Variants in DHRSX observed in about 807,000 individuals in gnomAD.
DHRSX encodes polyprenol dehydrogenase.
DHRSX carries 31 observed loss-of-function variants against 34.0 expected under a neutral mutation model. The ratio of observed to expected loss-of-function variants is 0.91; its 90% confidence interval spans 0.69 to 1.23. The LOEUF (loss-of-function observed/expected upper bound fraction) is 1.23. Ranked by LOEUF, DHRSX falls within the 50% of genes most tolerant of loss-of-function variation. The pLI is 0.00. For missense variants in DHRSX, 414 were observed against 428.1 expected, an observed-to-expected ratio of 0.97 and a Z score of 0.29; for synonymous variants, 201 against 183.8, an observed-to-expected ratio of 1.09 and a Z score of -0.76.
In DHRSX at chrX:2,293,117, G is replaced by T. The variant is rs751624352; in HGVS notation, c.287-1514C>A. Among the ~76,000 whole-genome samples the T allele has an allele frequency of 2.6e-5, 4 of 152,204 alleles. No individual in the cohort carries two copies. The South Asian group carries it at 8.3e-4, about 32-fold the overall frequency. ...ATTTTTAGAGAGTGAATGACTCAGGGACAGCTTTATAACATCACATAGGTA... is the reference window on the plus strand; with the variant it reads ...ATTTTTAGAGAGTGAATGACTCAGGTACAGCTTTATAACATCACATAGGTA... On this transcript the variant is annotated intron_variant, in intron 3 of 6. Coordinates refer to ENST00000334651, the MANE Select transcript of DHRSX (RefSeq NM_145177.3).
chrX:2,387,626 G>A (rs1362464967), intron 3 of DHRSX, among the ~76,000 whole-genome samples: 1 of 152,010 alleles, frequency 6.6e-6, no homozygotes, highest in East Asian at 1.9e-4. Context: ...TTAAGGGTGG[G>A]TCTGCCTTTC....
intron 1 of DHRSX, among the ~76,000 whole-genome samples, chrX:2,480,493 G>A (rs1603150232): frequency 6.9e-6 from 1 of 145,196 alleles, no homozygotes; most frequent in East Asian, 2.0e-4. Context: ...ACAAGCCTGG[G>A]CAACATAATG....
At chrX:2,360,604 C>T (rs1315231840) in intron 3 of DHRSX, among the ~76,000 whole-genome samples, 1 of 151,824 alleles carries the variant, frequency 6.6e-6, no homozygotes, top group Non-Finnish European at 1.5e-5. Context: ...CAAAAAAATA[C>T]ACATCACCCA....
At chrX:2,335,450 GGTGT>G (rs111917194) in intron 3 of DHRSX, among the ~76,000 whole-genome samples, 2 of 149,396 alleles carry the variant, frequency 1.3e-5, no homozygotes, top group Non-Finnish European at 3.0e-5. Flanking sequence ...ATTTTTTTGG[GGTGT>G]GTGTGTGTGT....
chrX:2,446,641 G>A (rs1180551981), intron 1 of DHRSX, among the ~76,000 whole-genome samples: 1 of 151,298 alleles, frequency 6.6e-6, no homozygotes, highest in Non-Finnish European at 1.5e-5. Context: ...AGGGACGGTA[G>A]CCATGTACAC....
rs755201403 is a variant in DHRSX, at chrX:2,287,636, C to A, written c.388+3866G>T. Among the ~76,000 whole-genome samples, 373 of 152,234 alleles carry A rather than the reference C, an allele frequency of 2.5e-3. 1 individual carries two copies. Among genetic ancestry groups the A allele is most frequent in the African/African-American group, 8.3e-3 (344 of 41,530 alleles). On this transcript the variant is annotated intron_variant, in intron 4 of 6. Coordinates refer to ENST00000334651, the MANE Select transcript of DHRSX (RefSeq NM_145177.3). Reference sequence around the variant, plus strand: ...CCCCATGTGGAAGACAGAATAATGGCCCCAAAGATGTCCACATCCTAATCC... The same window carrying A: ...CCCCATGTGGAAGACAGAATAATGGACCCAAAGATGTCCACATCCTAATCC...
At chrX:2,468,521 G>A (rs1480468478) in intron 1 of DHRSX, among the ~76,000 whole-genome samples, 2 of 151,596 alleles carry the variant, frequency 1.3e-5, no homozygotes, top group African/African-American at 4.8e-5. Flanking sequence ...CCAAGGGACC[G>A]CCACTGTGTA....
chrX:2,498,133 A>G (rs149210027), intron 1 of DHRSX, among the ~76,000 whole-genome samples: 3,298 of 152,226 alleles, frequency 0.022, 116 homozygotes, highest in African/African-American at 0.075. Context: ...TCCAGCCACA[A>G]TTTCTTCCTT....
At chrX:2,224,349 G>C (rs2015588093) in intron 6 of DHRSX, among the ~76,000 whole-genome samples, 1 of 152,232 alleles carries the variant, frequency 6.6e-6, no homozygotes, top group African/African-American at 2.4e-5. Flanking sequence ...CCTGTGGGCA[G>C]TGTCTGGGGG....
chrX:2,311,126 CGA>C (rs1156297188), intron 3 of DHRSX, among the ~76,000 whole-genome samples: 1 of 143,684 alleles, frequency 7.0e-6, no homozygotes, highest in African/African-American at 2.6e-5. Context: ...AGAGAATAAG[CGA>C]GAGACAGAGA....
intron 2 of DHRSX, among the ~76,000 whole-genome samples, chrX:2,423,527 G>C (rs968417949): frequency 6.6e-6 from 1 of 152,188 alleles, no homozygotes; most frequent in East Asian, 1.9e-4. Context: ...AGGAGTTTGA[G>C]GTTGCAGTGA....
At chrX:2,385,110 A>ATGTGTG (rs934167358) in intron 3 of DHRSX, among the ~76,000 whole-genome samples, 4,216 of 146,530 alleles carry the variant, frequency 0.029, 116 homozygotes, top group African/African-American at 0.064. Flanking sequence ...TCAAATATAT[A>ATGTGTG]TGTGTGTGTG....
intron 3 of DHRSX, among the ~76,000 whole-genome samples, chrX:2,321,816 A>G (rs949717563): frequency 1.3e-5 from 2 of 152,112 alleles, no homozygotes; most frequent in African/African-American, 4.8e-5. Context: ...CCCCGGAGCC[A>G]GCAAGACCAA....
chrX:2,384,156 GCT>G (rs2043244246), intron 3 of DHRSX, among the ~76,000 whole-genome samples: 1 of 152,192 alleles, frequency 6.6e-6, no homozygotes, highest in African/African-American at 2.4e-5. Flanking sequence ...GGTCTACAGA[GCT>G]CTCAGTTGCC....
chrX:2,385,151 T>C (rs1011033321), intron 3 of DHRSX, among the ~76,000 whole-genome samples: 6 of 150,660 alleles, frequency 4.0e-5, no homozygotes, highest in African/African-American at 1.2e-4. Context: ...TGTATATATA[T>C]GTGTGTGTGT....
intron 1 of DHRSX, among the ~76,000 whole-genome samples, chrX:2,453,368 TA>T (rs34499655): frequency 0.091 from 12,607 of 138,608 alleles, 663 homozygotes; most frequent in East Asian, 0.21. Context: ...ACCCCATCTC[TA>T]AAAAAAAAAA....
At chrX:2,381,001 G>A (rs772140207) in intron 3 of DHRSX, among the ~76,000 whole-genome samples, 3 of 152,210 alleles carry the variant, frequency 2.0e-5, no homozygotes, top group Admixed American at 2.0e-4. Flanking sequence ...AGTAGCTTGG[G>A]ATTACAGGTG....
chrX:2,285,003 C>T (rs1268745825), intron 4 of DHRSX, among the ~76,000 whole-genome samples: 1 of 152,232 alleles, frequency 6.6e-6, no homozygotes, highest in Non-Finnish European at 1.5e-5. Flanking sequence ...ACTTGAGGCA[C>T]GTGGTTGACT....
intron 6 of DHRSX, among the ~76,000 whole-genome samples, chrX:2,240,500 G>A (rs1387477925): frequency 6.6e-6 from 1 of 151,742 alleles, no homozygotes; most frequent in Non-Finnish European, 1.5e-5. Flanking sequence ...AGGGAGAAAA[G>A]AGAATTTGTA....
Sources: gnomAD v4.1 joint callset for allele counts (sites outside exome capture counted in the v4.1 genomes callset) on GRCh38, gnomAD v4.1.1 for gene constraint, MANE v1.5 for transcripts, NCBI Gene and HGNC (gene_info 2026-07-23, HGNC 2026-07-21) for gene names.